Variants in XKR6 observed in about 807,000 individuals in gnomAD.
The protein encoded by XKR6 is XK related 6.
Under a neutral mutation model 56.7 loss-of-function variants are expected in XKR6, and 22 were observed. The observed-to-expected ratio is 0.39, with a 90% CI of 0.28 to 0.55. The LOEUF (loss-of-function observed/expected upper bound fraction) is 0.55, where lower values mean the gene tolerates loss of function less well. Ranked by LOEUF, XKR6 falls within the 20% of genes least tolerant of loss-of-function variation. The probability of loss-of-function intolerance (pLI) is 0.66; values close to 1 mark genes in which losing one functional copy is unlikely to be tolerated. For missense variants in XKR6, 852 were observed against 889.0 expected, an observed-to-expected ratio of 0.96 and a Z score of 0.53; for synonymous variants, 524 against 387.8, an observed-to-expected ratio of 1.35 and a Z score of -4.13.
At chr8:11,021,824 G>C (rs1798755991) in intron 1 of XKR6, among the ~76,000 whole-genome samples, 1 of 152,004 alleles carries the variant, frequency 6.6e-6, no homozygotes, top group African/African-American at 2.4e-5. Context: ...TGCCCTCAAG[G>C]AACTTTAGGG....
At chr8:11,063,088 T>C in intron 1 of XKR6, 1 of 319,226 alleles carries the variant, frequency 3.1e-6, no homozygotes, top group East Asian at 8.6e-5. Flanking sequence ...TAAGGCTGGG[T>C]GCAGTGGCTC....
intron 1 of XKR6, among the ~76,000 whole-genome samples, chr8:11,057,031 A>G (rs1799702451): frequency 6.6e-6 from 1 of 152,174 alleles, no homozygotes; most frequent in African/African-American, 2.4e-5. Context: ...ATCTGCGTAC[A>G]AGGTGCAGCC....
At chr8:10,911,475 GTA>G (rs570717327) in intron 2 of XKR6, among the ~76,000 whole-genome samples, 31 of 145,552 alleles carry the variant, frequency 2.1e-4, no homozygotes, top group African/African-American at 5.3e-4. Flanking sequence ...ATATGTATGT[GTA>G]TATATATATA....
chr8:11,138,709 G>C (rs1379288281), intron 1 of XKR6: 1 of 152,028 alleles, frequency 6.6e-6, no homozygotes, highest in Non-Finnish European at 1.5e-5. Flanking sequence ...TTACAACCAA[G>C]AGGTCTTCAG....
At chr8:11,107,948 C>G (rs1352673569) in intron 1 of XKR6, 2 of 288,234 alleles carry the variant, frequency 6.9e-6, no homozygotes, top group Non-Finnish European at 1.3e-5. Flanking sequence ...CGGCACCACT[C>G]TGATGATGCT....
chr8:11,165,374 G>A (rs745352680), intron 1 of XKR6, among the ~76,000 whole-genome samples: 5 of 151,964 alleles, frequency 3.3e-5, no homozygotes, highest in South Asian at 2.1e-4. Flanking sequence ...CTAGGATTAC[G>A]GGCATGAGCC....
rs1467931421 is a variant in XKR6, at chr8:11,018,707, A to G, written c.765-93877T>C. ...GTTTTACACACACACATGAACACAC[A>G]GAACACCAAAAGATTCTTCCTGAAA... is the stretch of plus-strand genomic sequence containing the variant. On this transcript the variant is annotated intron_variant, in intron 1 of 2. Transcript: ENST00000416569. 2.6e-5 allele frequency among the ~76,000 whole-genome samples: 4 copies of G among 152,232 alleles called. No individual in the cohort carries two copies. The East Asian group carries it at 7.7e-4, about 29-fold the overall frequency.
Position 11,198,122 on chromosome 8 carries a change from A to G in XKR6, c.764+2454T>C, listed in dbSNP as rs186913605. 1.2e-4 allele frequency among the ~76,000 whole-genome samples: 18 copies of G among 152,312 alleles called. 1 individual carries two copies. Among genetic ancestry groups the G allele is most frequent in the Admixed American group, 3.9e-4 (6 of 15,280 alleles). ...TAACCCCAAAAGATCTTCAATAAAA[A>G]CAGAGATGATGTATGTTCAAACACA... On this transcript the variant is annotated intron_variant, in intron 1 of 2. Transcript: ENST00000416569.
intron 1 of XKR6, chr8:11,107,966 C>G (rs997581445): frequency 4.3e-5 from 13 of 301,706 alleles, no homozygotes; most frequent in Non-Finnish European, 8.3e-5. Context: ...GCTCTTCCAT[C>G]TCTCCACTCG....
intron 1 of XKR6, chr8:11,108,912 A>G (rs1211678524): frequency 6.6e-6 from 1 of 152,274 alleles, no homozygotes; most frequent in Non-Finnish European, 1.5e-5. Flanking sequence ...TTTTCCAAAG[A>G]GTTTGTCTGA....
chr8:11,093,078 G>C (rs1010513434), intron 1 of XKR6, among the ~76,000 whole-genome samples: 5 of 150,554 alleles, frequency 3.3e-5, no homozygotes, highest in Non-Finnish European at 7.4e-5. Context: ...TCTTTTAGAC[G>C]GAGTTTCACT....
At chr8:11,156,862 G>A (rs1440932789) in intron 1 of XKR6, among the ~76,000 whole-genome samples, 2 of 151,886 alleles carry the variant, frequency 1.3e-5, no homozygotes. Context: ...CACACACACA[G>A]AGTCCTTCAG....
At chr8:10,915,589 C>T (rs989716701) in intron 2 of XKR6, among the ~76,000 whole-genome samples, 1 of 152,144 alleles carries the variant, frequency 6.6e-6, no homozygotes, top group African/African-American at 2.4e-5. Flanking sequence ...CTCAAAATGG[C>T]ATGCAGGTTC....
intron 1 of XKR6, among the ~76,000 whole-genome samples, chr8:11,174,233 C>T (rs371992557): frequency 4.6e-5 from 7 of 152,360 alleles, no homozygotes; most frequent in East Asian, 1.9e-4. Context: ...TAGGAACACA[C>T]GTGGAGATTC....
At chr8:11,182,131 G>A (rs531331175) in intron 1 of XKR6, among the ~76,000 whole-genome samples, 1 of 152,218 alleles carries the variant, frequency 6.6e-6, no homozygotes, top group African/African-American at 2.4e-5. Context: ...TAGGGTTTTA[G>A]AGTAAATACC....
At chr8:11,106,284 C>G (rs1411216761) in intron 1 of XKR6, 1 of 150,826 alleles carries the variant, frequency 6.6e-6, no homozygotes, top group Non-Finnish European at 1.5e-5. Flanking sequence ...ACCACCTTCC[C>G]TGCACATGAT....
chr8:11,114,727 A>ATGTGTGTGTGTGTGTG (rs58011023), intron 1 of XKR6, among the ~76,000 whole-genome samples: 3 of 118,374 alleles, frequency 2.5e-5, no homozygotes, highest in Non-Finnish European at 4.2e-5. Context: ...TAGATCACAT[A>ATGTGTGTGTGTGTGTG]TGTGTGTGTG....
intron 2 of XKR6, among the ~76,000 whole-genome samples, chr8:10,917,135 G>A (rs1473918122): frequency 6.6e-6 from 1 of 152,036 alleles, no homozygotes; most frequent in Non-Finnish European, 1.5e-5. Flanking sequence ...TAGGTGGGGA[G>A]CAGGGAACCC....
chr8:11,103,845 T>C (rs1798577782), intron 1 of XKR6, among the ~76,000 whole-genome samples: 1 of 152,218 alleles, frequency 6.6e-6, no homozygotes, highest in South Asian at 2.1e-4. Context: ...TAGCATCTTT[T>C]CTCTGCTGCA....
Sources: allele counts gnomAD v4.1 joint callset (sites outside exome capture counted in the v4.1 genomes callset), GRCh38; gene constraint gnomAD v4.1.1; transcripts MANE v1.5; gene names NCBI Gene and HGNC (gene_info 2026-07-23, HGNC 2026-07-21).